Variants in LAMA2 observed in about 807,000 individuals in gnomAD.
The protein encoded by LAMA2 is laminin subunit alpha 2.
LAMA2 carries 269 observed loss-of-function variants against 364.8 expected under a neutral mutation model. That is an observed-to-expected ratio of 0.74 (90% CI 0.67 to 0.82). The LOEUF (loss-of-function observed/expected upper bound fraction) is 0.82. Among genes scored for constraint, LAMA2 ranks in the 40% least tolerant of loss-of-function variants. LAMA2 has a pLI of 0.00. For synonymous variants in LAMA2, 1,379 were observed against 1,370.6 expected (o/e 1.01, Z -0.14); for missense variants, 3,807 against 3,873.2 (o/e 0.98, Z 0.45).
chr6:129,276,592 A>G (rs1788343494), intron 17 of LAMA2, among the ~76,000 whole-genome samples: 1 of 152,060 alleles, frequency 6.6e-6, no homozygotes, highest in South Asian at 2.1e-4. Flanking sequence ...GATAATCAGG[A>G]ATTGTTGAGC....
intron 1 of LAMA2, among the ~76,000 whole-genome samples, chr6:128,902,673 G>A (rs1046856170): frequency 2.6e-5 from 4 of 152,004 alleles, no homozygotes; most frequent in Non-Finnish European, 5.9e-5. Flanking sequence ...CAAAGTGGAG[G>A]GTGTTTTTGT....
chr6:128,919,544 T>C (rs539903075), intron 1 of LAMA2, among the ~76,000 whole-genome samples: 4 of 152,352 alleles, frequency 2.6e-5, no homozygotes, highest in African/African-American at 9.6e-5. Context: ...AACTTATTAT[T>C]ACTTCAATTT....
chr6:129,330,892 G>A (rs1163601984), intron 29 of LAMA2, among the ~76,000 whole-genome samples: 2 of 150,142 alleles, frequency 1.3e-5, no homozygotes, highest in East Asian at 3.9e-4. Flanking sequence ...TTTTTGAGAC[G>A]GAGTCTTGCT....
At chr6:129,509,058 G>A (rs977763535) in intron 62 of LAMA2, among the ~76,000 whole-genome samples, 5 of 152,174 alleles carry the variant, frequency 3.3e-5, no homozygotes, top group Admixed American at 6.5e-5. Flanking sequence ...ACTTGGGTGA[G>A]ATGATAGCTC....
chr6:129,228,479 A>C (rs887697776), intron 12 of LAMA2, among the ~76,000 whole-genome samples: 1 of 152,164 alleles, frequency 6.6e-6, no homozygotes, highest in African/African-American at 2.4e-5. Flanking sequence ...GTTTCTAAAA[A>C]AGATTGTAAT....
chr6:129,268,824 G>A (rs1173028126), intron 16 of LAMA2, among the ~76,000 whole-genome samples: 1 of 152,038 alleles, frequency 6.6e-6, no homozygotes, highest in African/African-American at 2.4e-5. Context: ...CTAGTAAATA[G>A]GTGATCATGT....
At chr6:129,410,642 T>G (rs1780486757) in intron 40 of LAMA2, among the ~76,000 whole-genome samples, 1 of 152,154 alleles carries the variant, frequency 6.6e-6, no homozygotes, top group South Asian at 2.1e-4. Flanking sequence ...CATTGATTGA[T>G]AGATGACAGA....
chr6:129,274,515 G>A (rs1297430569), intron 17 of LAMA2, among the ~76,000 whole-genome samples: 2 of 151,678 alleles, frequency 1.3e-5, no homozygotes, highest in Non-Finnish European at 2.9e-5. Flanking sequence ...TTAATCCCTG[G>A]TCATAAATCT....
intron 12 of LAMA2, among the ~76,000 whole-genome samples, chr6:129,195,863 CT>C (rs1781807987): frequency 6.6e-6 from 1 of 152,168 alleles, no homozygotes; most frequent in African/African-American, 2.4e-5. Flanking sequence ...ATTTACTGCC[CT>C]AGTAAACTAA....
At chr6:129,327,485 C>T (rs948218253) in intron 28 of LAMA2, among the ~76,000 whole-genome samples, 1 of 152,136 alleles carries the variant, frequency 6.6e-6, no homozygotes, top group Non-Finnish European at 1.5e-5. Flanking sequence ...CTGACTCCTA[C>T]CTTTTATTCA....
At chr6:129,041,225 G>T (rs1005665469) in intron 1 of LAMA2, among the ~76,000 whole-genome samples, 1 of 152,138 alleles carries the variant, frequency 6.6e-6, no homozygotes, top group African/African-American at 2.4e-5. Flanking sequence ...CCACACAGAA[G>T]ACCCCTTAAT....
chr6:129,047,507 T>G (rs1344737052), intron 1 of LAMA2, among the ~76,000 whole-genome samples: 1 of 152,152 alleles, frequency 6.6e-6, no homozygotes, highest in Non-Finnish European at 1.5e-5. Context: ...GGAGGCCAGA[T>G]GAGAGTTGGG....
At chr6:129,353,978 T>C (rs1351236356) in intron 32 of LAMA2, among the ~76,000 whole-genome samples, 3 of 152,226 alleles carry the variant, frequency 2.0e-5, no homozygotes, top group Non-Finnish European at 4.4e-5. Context: ...TGAAAGTACA[T>C]TGAAATCAGT....
chr6:129,313,797 A>T (rs2114496156), intron 23 of LAMA2, among the ~76,000 whole-genome samples: 1 of 152,348 alleles, frequency 6.6e-6, no homozygotes, highest in East Asian at 1.9e-4. Flanking sequence ...AAATCTGGGT[A>T]GTGGTTGTTA....
intron 1 of LAMA2, among the ~76,000 whole-genome samples, chr6:128,990,327 T>C (rs988294421): frequency 1.3e-5 from 2 of 152,222 alleles, no homozygotes; most frequent in Admixed American, 1.3e-4. Flanking sequence ...TGGGGAACCA[T>C]TGTATTCTAA....
chr6:129,075,501 A>T (rs12198871), intron 3 of LAMA2, among the ~76,000 whole-genome samples: 20,878 of 152,156 alleles, frequency 0.14, 1,569 homozygotes, highest in South Asian at 0.19. Context: ...GATTATAGTG[A>T]GATAAGTGTG....
chr6:129,147,778 C>G (rs891646120), intron 6 of LAMA2, among the ~76,000 whole-genome samples: 2 of 151,850 alleles, frequency 1.3e-5, no homozygotes, highest in African/African-American at 2.4e-5. Context: ...TATTGTAATG[C>G]AAATGACATT....
intron 3 of LAMA2, among the ~76,000 whole-genome samples, chr6:129,087,613 GAGA>G (rs1774456385): frequency 6.6e-6 from 1 of 152,002 alleles, no homozygotes; most frequent in Non-Finnish European, 1.5e-5. Flanking sequence ...TTTCAGAAAG[GAGA>G]AGAACAACAT....
At chr6:129,466,100 C>T (rs1294641091) in intron 51 of LAMA2, among the ~76,000 whole-genome samples, 1 of 151,840 alleles carries the variant, frequency 6.6e-6, no homozygotes, top group African/African-American at 2.4e-5. Context: ...TAAATTTGTA[C>T]CGTCTTTCAT....
Sources: gnomAD v4.1 joint callset for allele counts (sites outside exome capture counted in the v4.1 genomes callset) on GRCh38, gnomAD v4.1.1 for gene constraint, MANE v1.5 for transcripts, NCBI Gene and HGNC (gene_info 2026-07-23, HGNC 2026-07-21) for gene names.